The following DNER variants were observed in gnomAD, a reference collection of about 807,000 sequenced individuals.
DNER encodes delta/notch like EGF repeat containing.
In DNER, 33 loss-of-function variants were observed where a neutral mutation model predicts 78.2. The observed-to-expected ratio is 0.42, with a 90% CI of 0.32 to 0.56. DNER has a LOEUF of 0.56. Ranked by LOEUF, DNER falls within the 20% of genes least tolerant of loss-of-function variation. DNER has a pLI of 0.11. For missense variants in DNER, 918 were observed against 975.3 expected, an observed-to-expected ratio of 0.94 and a Z score of 0.78; for synonymous variants, 417 against 384.8, an observed-to-expected ratio of 1.08 and a Z score of -0.98.
chr2:229,714,127 G>A, intron 1 of DNER, 21 bp downstream of exon 1: 1 of 1,289,588 alleles, frequency 7.8e-7, no homozygotes, highest in Non-Finnish European at 9.8e-7. Flanking sequence ...GCCCCGCACC[G>A]CGCCCGCCGC....
chr2:229,637,727 G>GT (rs896617611), intron 1 of DNER, among the ~76,000 whole-genome samples: 12 of 151,944 alleles, frequency 7.9e-5, no homozygotes, highest in Middle Eastern at 3.4e-3. Context: ...AATCAAGTGC[G>GT]TTTTTTTTCT....
In DNER at chr2:229,589,986, T is replaced by C. The variant is rs117567392; in HGVS notation, c.586-1498A>G. On this transcript the variant is annotated intron_variant, in intron 2 of 12. Coordinates refer to ENST00000341772, the MANE Select transcript of DNER (RefSeq NM_139072.4). ...AGGAGAAATGCTACTATCTCTTTTA[T>C]AATAAAGGAAATTTCTAGATGCAGT... 4.2e-3 allele frequency among the ~76,000 whole-genome samples: 639 copies of C among 151,686 alleles called. 34 individuals are homozygous for C. In the East Asian group the frequency reaches 0.11, roughly 25 times the overall value.
intron 6 of DNER, among the ~76,000 whole-genome samples, chr2:229,509,550 A>G (rs934799554): frequency 2.0e-5 from 3 of 152,242 alleles, no homozygotes; most frequent in Non-Finnish European, 1.5e-5. Flanking sequence ...GCAGTGGCGC[A>G]CACCTGTAAT....
At chr2:229,598,125 A>G (rs1697758263) in intron 1 of DNER, among the ~76,000 whole-genome samples, 1 of 152,232 alleles carries the variant, frequency 6.6e-6, no homozygotes, top group Non-Finnish European at 1.5e-5. Context: ...TAGGGTCATT[A>G]GATATAGTAA....
chr2:229,491,797 T>A (rs943712609), intron 6 of DNER, among the ~76,000 whole-genome samples: 2 of 152,198 alleles, frequency 1.3e-5, no homozygotes, highest in Admixed American at 6.5e-5. Context: ...CTGTCTTTGA[T>A]GGTAAAATCC....
intron 5 of DNER, among the ~76,000 whole-genome samples, chr2:229,527,583 G>A (rs892348823): frequency 6.6e-6 from 1 of 152,182 alleles, no homozygotes; most frequent in Admixed American, 6.5e-5. Context: ...GAAATTTGGG[G>A]TTGAGAAACC....
chr2:229,633,735 G>A (rs999490870), intron 1 of DNER, among the ~76,000 whole-genome samples: 1 of 152,202 alleles, frequency 6.6e-6, no homozygotes, highest in Non-Finnish European at 1.5e-5. Flanking sequence ...CTGGGACATA[G>A]TGGACAGCAG....
At chr2:229,435,214 A>C (rs994925682) in intron 8 of DNER, among the ~76,000 whole-genome samples, 3 of 152,104 alleles carry the variant, frequency 2.0e-5, no homozygotes, top group African/African-American at 4.8e-5. Flanking sequence ...AGAAGCCCCG[A>C]CTGGTCTGCT....
rs535110421 is a variant in DNER, at chr2:229,614,413, G to A, written c.277-22525C>T. 2.5e-3 allele frequency among the ~76,000 whole-genome samples: 381 copies of A among 152,182 alleles called. 2 individuals are homozygous for A. The highest frequency in any genetic ancestry group is 4.2e-3 in the African/African-American group (176 of 41,500). On this transcript the variant is annotated intron_variant, in intron 1 of 12. Coordinates refer to ENST00000341772, the MANE Select transcript of DNER (RefSeq NM_139072.4). ...TGAAACACAAAAAGATGGAATGTTC[G>A]TTTCTCAAGTCACCCAGCCTTTCTG...
chr2:229,570,630 A>AG (rs1456037454), intron 4 of DNER, among the ~76,000 whole-genome samples: 2 of 151,620 alleles, frequency 1.3e-5, no homozygotes, highest in Non-Finnish European at 2.9e-5. Context: ...ATCTCAAAAA[A>AG]AAAAAAAATC....
At chr2:229,376,196 T>C (rs954533929) in intron 11 of DNER, among the ~76,000 whole-genome samples, 1 of 152,112 alleles carries the variant, frequency 6.6e-6, no homozygotes, top group African/African-American at 2.4e-5. Flanking sequence ...AATAAACTAA[T>C]CAACGAAGCG....
intron 4 of DNER, among the ~76,000 whole-genome samples, chr2:229,552,221 A>G (rs1574898867): frequency 6.6e-6 from 1 of 152,342 alleles, no homozygotes; most frequent in African/African-American, 2.4e-5. Context: ...AAGCCCAGTG[A>G]ACCTCGCAGC....
intron 1 of DNER, among the ~76,000 whole-genome samples, chr2:229,616,481 C>T (rs1373501164): frequency 2.0e-5 from 3 of 152,110 alleles, no homozygotes; most frequent in Admixed American, 6.5e-5. Context: ...AGAGAGCACA[C>T]GAACATTACA....
intron 7 of DNER, among the ~76,000 whole-genome samples, chr2:229,460,156 C>CAAAAAAAAAA (rs5839331): frequency 1.2e-5 from 1 of 85,508 alleles, no homozygotes; most frequent in Admixed American, 1.7e-4. Context: ...GACTCCGTCT[C>CAAAAAAAAAA]AAAAAAAAAA....
At chr2:229,365,540 G>A (rs960319453) in intron 12 of DNER, among the ~76,000 whole-genome samples, 9 of 152,138 alleles carry the variant, frequency 5.9e-5, no homozygotes, top group Admixed American at 2.6e-4. Context: ...AGGTTCAAGC[G>A]ATTCTCCTTC....
chr2:229,458,198 AAGAAAGCAT>A, intron 7 of DNER, among the ~76,000 whole-genome samples: 1 of 150,432 alleles, frequency 6.6e-6, no homozygotes, highest in Non-Finnish European at 1.5e-5. Flanking sequence ...CATTGTGAAA[AAGAAAGCAT>A]AAGAAAACTA....
intron 10 of DNER, among the ~76,000 whole-genome samples, chr2:229,403,635 A>G (rs980553392): frequency 6.6e-5 from 10 of 152,148 alleles, no homozygotes; most frequent in African/African-American, 2.4e-4. Context: ...AAGCAGTTAG[A>G]GTGATGTTTA....
intron 10 of DNER, among the ~76,000 whole-genome samples, chr2:229,391,120 T>C (rs1693006553): frequency 6.6e-6 from 1 of 152,224 alleles, no homozygotes. Flanking sequence ...ACAGTGATCA[T>C]GCTTTTTGCT....
At chr2:229,593,195 C>T (rs892972275) in intron 1 of DNER, among the ~76,000 whole-genome samples, 2 of 152,120 alleles carry the variant, frequency 1.3e-5, no homozygotes, top group African/African-American at 2.4e-5. Flanking sequence ...AAGTAAAATC[C>T]AAACTCCTTC....
Sources: gnomAD v4.1 joint callset for allele counts (sites outside exome capture counted in the v4.1 genomes callset) on GRCh38, gnomAD v4.1.1 for gene constraint, MANE v1.5 for transcripts, NCBI Gene and HGNC (gene_info 2026-07-23, HGNC 2026-07-21) for gene names.